The following FARP1 variants were observed in gnomAD, a reference collection of about 807,000 sequenced individuals.
FARP1 encodes FERM, ARHGEF and pleckstrin domain-containing protein 1.
FARP1 carries 52 observed loss-of-function variants against 128.8 expected under a neutral mutation model. The ratio of observed to expected loss-of-function variants is 0.40; its 90% confidence interval spans 0.32 to 0.51. The LOEUF is 0.51. FARP1 is among the 20% of genes least tolerant of loss of function. The probability of loss-of-function intolerance (pLI) is 0.45; values close to 1 mark genes in which losing one functional copy is unlikely to be tolerated. For missense variants in FARP1, 1,333 were observed against 1,367.9 expected, an observed-to-expected ratio of 0.97 and a Z score of 0.40; for synonymous variants, 580 against 551.8, an observed-to-expected ratio of 1.05 and a Z score of -0.72.
At chr13:98,200,149 T>C (rs1879837872) in intron 1 of FARP1, among the ~76,000 whole-genome samples, 1 of 152,222 alleles carries the variant, frequency 6.6e-6, no homozygotes, top group Non-Finnish European at 1.5e-5. Flanking sequence ...GGCATGCCAC[T>C]TTTTCTTGCG....
At chr13:98,384,587 T>G in intron 6 of FARP1, 143 bp from the exon 7 acceptor site, 1 of 617,186 alleles carries the variant, frequency 1.6e-6, no homozygotes, top group Non-Finnish European at 2.9e-6. Flanking sequence ...ATCCCGTCTC[T>G]GAGATCTGGC....
Position 98,287,722 on chromosome 13 carries a change from A to T in FARP1, c.172-56040A>T, listed in dbSNP as rs76678502. On this transcript the variant is annotated intron_variant, in intron 2 of 26. Coordinates refer to ENST00000319562, the MANE Select transcript of FARP1 (RefSeq NM_005766.4). ...TTAATTCTCTTCATGCATAATCTTT[A>T]AAAAAAAATCCAATATGATGTTTTG... is the stretch of plus-strand genomic sequence containing the variant. 9.8e-3 allele frequency among the ~76,000 whole-genome samples: 1,490 copies of T among 151,276 alleles called. 20 individuals carry two copies. Among genetic ancestry groups the T allele is most frequent in the African/African-American group, 0.033 (1,359 of 41,192 alleles).
intron 16 of FARP1, among the ~76,000 whole-genome samples, chr13:98,414,668 A>C (rs571743621): frequency 1.6e-4 from 25 of 152,334 alleles, no homozygotes; most frequent in African/African-American, 5.0e-4. Flanking sequence ...AGGTGATTCC[A>C]AAGTGTAGCC....
intron 2 of FARP1, among the ~76,000 whole-genome samples, chr13:98,323,125 T>C (rs1566877634): frequency 6.6e-6 from 1 of 152,252 alleles, no homozygotes; most frequent in Non-Finnish European, 1.5e-5. Flanking sequence ...TCATGTTTAA[T>C]GATCCGTGGT....
intron 3 of FARP1, among the ~76,000 whole-genome samples, chr13:98,355,667 T>G (rs1594438597): frequency 6.6e-6 from 1 of 152,314 alleles, no homozygotes; most frequent in East Asian, 1.9e-4. Flanking sequence ...CTCCTAATGG[T>G]GAAAAACATA....
chr13:98,379,530 C>T (rs1889808694), intron 6 of FARP1, among the ~76,000 whole-genome samples: 1 of 151,816 alleles, frequency 6.6e-6, no homozygotes. Context: ...TAATAGAATC[C>T]TTTTCATAAG....
chr13:98,431,076 G>T lies in FARP1; in HGVS notation c.1939G>T (p.Ala647Ser), dbSNP rs762983207. Reference protein sequence around the residue: ...LAAHLWKHSEALEALENGIKS... With the variant: ...LAAHLWKHSESLEALENGIKS... ...GGCTCACCTGTGGAAGCACAGCGAG[G>T]CCTTGGAGGCCCTGGAGAATGGAAT... Residue 647 changes from alanine to serine, a missense_variant, in exon 18 of 27, where the codon GCC (alanine) becomes TCC (serine). Physicochemically the swap from Ala to Ser is moderately conservative, Grantham distance 99 (BLOSUM62 1). Around this residue, in one of 2 missense-constraint regions of FARP1, gnomAD observed 1,009 missense variants for 969.8 expected, o/e 1.04. Transcript: ENST00000319562. 25 of 1,614,140 alleles carry T rather than the reference G, an allele frequency of 1.5e-5. 1 individual carries two copies. The South Asian group carries it at 2.6e-4, about 17-fold the overall frequency.
chr13:98,346,186 A>ATTTTTTTTTT (rs10555277), intron 3 of FARP1, among the ~76,000 whole-genome samples: 6 of 105,680 alleles, frequency 5.7e-5, no homozygotes, highest in Non-Finnish European at 1.1e-4. Context: ...ATTGCATATA[A>ATTTTTTTTTT]TTTTTTTTTT....
intron 2 of FARP1, among the ~76,000 whole-genome samples, chr13:98,312,267 A>G (rs1300207381): frequency 6.7e-6 from 1 of 150,068 alleles, no homozygotes; most frequent in Admixed American, 6.7e-5. Context: ...CAGCCTCCCT[A>G]GTAGCTGGGA....
At chr13:98,214,832 G>T (rs1263749733) in intron 2 of FARP1, among the ~76,000 whole-genome samples, 1 of 152,152 alleles carries the variant, frequency 6.6e-6, no homozygotes, top group Non-Finnish European at 1.5e-5. Flanking sequence ...GAGAGCCCCT[G>T]CCATGCAGTT....
intron 2 of FARP1, among the ~76,000 whole-genome samples, chr13:98,251,682 C>CA (rs745852802): frequency 0.052 from 4,695 of 90,352 alleles, 217 homozygotes; most frequent in African/African-American, 0.15. Flanking sequence ...GACTCCATCT[C>CA]AAAAAAAAAA....
At chr13:98,435,126 C>A (rs1236657271) in intron 18 of FARP1, 1 of 155,660 alleles carries the variant, frequency 6.4e-6, no homozygotes, top group African/African-American at 2.4e-5. Flanking sequence ...TATACTGACA[C>A]TTCACAATAT....
At chr13:98,305,656 A>G (rs1197692552) in intron 2 of FARP1, among the ~76,000 whole-genome samples, 2 of 152,070 alleles carry the variant, frequency 1.3e-5, no homozygotes, top group East Asian at 3.9e-4. Flanking sequence ...TAATGTGAAA[A>G]GCTTCACTTC....
intron 1 of FARP1, among the ~76,000 whole-genome samples, chr13:98,146,903 C>G (rs889471033): frequency 2.0e-5 from 3 of 152,108 alleles, no homozygotes; most frequent in African/African-American, 7.3e-5. Flanking sequence ...AGAGTTTATT[C>G]TGTGGTGGTA....
At chr13:98,216,416 C>T (rs549399415) in intron 2 of FARP1, among the ~76,000 whole-genome samples, 1 of 152,278 alleles carries the variant, frequency 6.6e-6, no homozygotes. Flanking sequence ...ACCCTGGAAA[C>T]GTCCTTTGAT....
At chr13:98,215,557 A>C (rs1488053120) in intron 2 of FARP1, among the ~76,000 whole-genome samples, 4 of 152,320 alleles carry the variant, frequency 2.6e-5, no homozygotes, top group Non-Finnish European at 4.4e-5. Context: ...GGTGACACAA[A>C]GTGTTTGGAG....
At position 98,176,462 on chromosome 13, in the gene FARP1, A is replaced by G. The variant is rs766335721; in HGVS notation, c.-24+32970A>G. 1.2e-6 allele frequency: 2 copies of G among 1,614,250 alleles called. No homozygotes were observed. The highest frequency in any genetic ancestry group is 2.2e-5 in the East Asian group (1 of 44,878). On this transcript the variant is annotated intron_variant, in intron 1 of 26. Coordinates refer to ENST00000319562, the MANE Select transcript of FARP1 (RefSeq NM_005766.4). This position sits in a 1 kb window ranked among gnomAD's most constrained non-coding sequence, Gnocchi z 6.2. ...ACTGGGTTTTGGAAGGCCTGGCGACATATGAAACACCTGAATGGTATTTCC... is the reference window on the plus strand; with the variant it reads ...ACTGGGTTTTGGAAGGCCTGGCGACGTATGAAACACCTGAATGGTATTTCC...
chr13:98,453,189 C>A lies in FARP1; in HGVS notation c.*4872C>A. 2 of 1,613,548 alleles carry A rather than the reference C, an allele frequency of 1.2e-6. No individual in the cohort carries two copies. Among genetic ancestry groups the A allele is most frequent in the Admixed American group, 3.3e-5 (2 of 59,900 alleles). ...AAAGGAATTTCAGTGGGATGAAGTTCCTCCACCACTTAGAGAGTATCTAGG... is the reference window on the plus strand; with the variant it reads ...AAAGGAATTTCAGTGGGATGAAGTTACTCCACCACTTAGAGAGTATCTAGG... On this transcript the variant is annotated 3_prime_UTR_variant, in exon 27 of 27. Transcript: ENST00000319562.
At chr13:98,172,167 A>G (rs1408045354) in intron 1 of FARP1, among the ~76,000 whole-genome samples, 1 of 151,558 alleles carries the variant, frequency 6.6e-6, no homozygotes, top group Non-Finnish European at 1.5e-5. Flanking sequence ...TCTAGTTCTG[A>G]TTAGCCGTGA....
Sources: allele counts gnomAD v4.1 joint callset (sites outside exome capture counted in the v4.1 genomes callset), GRCh38; gene constraint gnomAD v4.1.1; regional missense constraint gnomAD v4.1.1; non-coding constraint Gnocchi (gnomAD v3.1); transcripts MANE v1.5; gene names NCBI Gene and HGNC (gene_info 2026-07-23, HGNC 2026-07-21).